The following ZEB1 variants were observed in gnomAD, a reference collection of about 807,000 sequenced individuals.
ZEB1 encodes zinc finger E-box binding homeobox 1.
ZEB1 carries 21 observed loss-of-function variants against 84.9 expected under a neutral mutation model. The ratio of observed to expected loss-of-function variants is 0.25; its 90% CI spans 0.18 to 0.36. ZEB1 has a LOEUF of 0.36. ZEB1 is among the 10% of genes least tolerant of loss of function. The pLI is 1.00. For missense variants in ZEB1, 1,104 were observed against 1,330.2 expected, an observed-to-expected ratio of 0.83 and a Z score of 2.65; for synonymous variants, 420 against 471.1, an observed-to-expected ratio of 0.89 and a Z score of 1.41.
intron 1 of ZEB1, among the ~76,000 whole-genome samples, chr10:31,382,121 G>A (rs1338288254): frequency 1.3e-5 from 2 of 149,952 alleles, no homozygotes; most frequent in East Asian, 3.9e-4. Context: ...ACAAATCCCT[G>A]TGGCTGACTC....
intron 1 of ZEB1, among the ~76,000 whole-genome samples, chr10:31,409,584 T>G (rs2053842469): frequency 6.6e-6 from 1 of 152,060 alleles, no homozygotes; most frequent in Non-Finnish European, 1.5e-5. Flanking sequence ...AACATTCAAT[T>G]TGTAAATTAC....
chr10:31,465,783 T>TA (rs111808330), intron 2 of ZEB1, among the ~76,000 whole-genome samples: 1,673 of 134,628 alleles, frequency 0.012, 26 homozygotes, highest in African/African-American at 0.04. Flanking sequence ...GTGGCTAATT[T>TA]AAAAAAAAAA....
chr10:31,520,911 G>C lies in ZEB1; in HGVS notation c.1579G>C (p.Val527Leu). The C allele has an allele frequency of 3.1e-6, 5 of 1,614,112 alleles. No homozygotes were observed. Among genetic ancestry groups the C allele is most frequent in the Admixed American group, 1.7e-5 (1 of 59,992 alleles). Residue 527 changes from valine to leucine, a missense_variant, in exon 7 of 9, where the codon GTG becomes CTG. Around this residue, in one of 7 missense-constraint regions of ZEB1, gnomAD observed 531 missense variants for 575.2 expected, o/e 0.92. Transcript: ENST00000424869. This position sits in a 1 kb window ranked among gnomAD's most constrained non-coding sequence, Gnocchi z 5.1. ...SEKDKSFEGG[V>L]NDSTCLLCDD... ...GAAGGACAAAAGCTTTGAAGGGGGGGTGAATGATAGCACTTGTCTTCTGTG... is the reference window on the plus strand; with the variant it reads ...GAAGGACAAAAGCTTTGAAGGGGGGCTGAATGATAGCACTTGTCTTCTGTG...
chr10:31,475,808 G>A (rs1486574617), intron 2 of ZEB1, among the ~76,000 whole-genome samples: 1 of 151,928 alleles, frequency 6.6e-6, no homozygotes, highest in East Asian at 1.9e-4. Context: ...GGCAATGAAA[G>A]GATAATACTC....
intron 1 of ZEB1, among the ~76,000 whole-genome samples, chr10:31,337,511 A>G (rs1397825150): frequency 6.6e-6 from 1 of 152,094 alleles, no homozygotes; most frequent in Non-Finnish European, 1.5e-5. Flanking sequence ...AGTAACTGAA[A>G]AAATAAAAGT....
chr10:31,473,867 G>C (rs1321535085), intron 2 of ZEB1, among the ~76,000 whole-genome samples: 3 of 150,698 alleles, frequency 2.0e-5, no homozygotes, highest in African/African-American at 7.4e-5. Context: ...CAGAGATATA[G>C]ATCAATGGAA....
intron 1 of ZEB1, among the ~76,000 whole-genome samples, chr10:31,398,991 CTTT>C (rs34530318): frequency 1.1e-4 from 14 of 133,100 alleles, no homozygotes; most frequent in Non-Finnish European, 1.1e-4. Flanking sequence ...GTCCTTTAGT[CTTT>C]TTTTTTTTTT....
At chr10:31,378,850 A>G (rs2047145252) in intron 1 of ZEB1, among the ~76,000 whole-genome samples, 1 of 152,040 alleles carries the variant, frequency 6.6e-6, no homozygotes, top group Non-Finnish European at 1.5e-5. Context: ...ACAGTGGTGG[A>G]TGTGCAGGTG....
chr10:31,512,640 T>C (rs1267062198), intron 5 of ZEB1, among the ~76,000 whole-genome samples: 1 of 152,070 alleles, frequency 6.6e-6, no homozygotes, highest in Non-Finnish European at 1.5e-5. Flanking sequence ...CTCTTCTGGG[T>C]GTTAAAGGCA....
At chr10:31,329,015 G>A (rs1004498257) in intron 1 of ZEB1, among the ~76,000 whole-genome samples, 3 of 151,980 alleles carry the variant, frequency 2.0e-5, no homozygotes, top group Non-Finnish European at 4.4e-5. Flanking sequence ...GTGTGTGTGC[G>A]TGTGAACTTA....
intron 1 of ZEB1, among the ~76,000 whole-genome samples, chr10:31,392,279 T>C (rs2049883826): frequency 6.6e-6 from 1 of 152,162 alleles, no homozygotes; most frequent in African/African-American, 2.4e-5. Context: ...TTTTCTCTCT[T>C]CAAATTCTGT....
chr10:31,480,868 A>C (rs139273419), intron 2 of ZEB1, among the ~76,000 whole-genome samples: 1 of 152,080 alleles, frequency 6.6e-6, no homozygotes, highest in Non-Finnish European at 1.5e-5. Context: ...TACCTCATTC[A>C]TAATAGTTTT....
At chr10:31,479,758 A>T (rs1159822226) in intron 2 of ZEB1, among the ~76,000 whole-genome samples, 2 of 151,966 alleles carry the variant, frequency 1.3e-5, no homozygotes, top group African/African-American at 4.8e-5. Context: ...ATGAAACTCC[A>T]AATTAGGATT....
intron 5 of ZEB1, among the ~76,000 whole-genome samples, chr10:31,513,860 TG>T (rs2070564171): frequency 6.6e-6 from 1 of 152,164 alleles, no homozygotes; most frequent in South Asian, 2.1e-4. Flanking sequence ...ACTATAATCT[TG>T]GAATCTGTAG....
intron 1 of ZEB1, among the ~76,000 whole-genome samples, chr10:31,397,810 G>GGGAAATTAAAACACGTTAAATACTTT (rs2051082267): frequency 6.6e-6 from 1 of 152,008 alleles, no homozygotes; most frequent in Non-Finnish European, 1.5e-5. Context: ...TTACTAACTG[G>GGGAAATTAAAACACGTTAAATACTTT]CCCTTTTTTT....
chr10:31,369,759 T>A (rs2045358472), intron 1 of ZEB1, among the ~76,000 whole-genome samples: 1 of 152,192 alleles, frequency 6.6e-6, no homozygotes, highest in Non-Finnish European at 1.5e-5. Context: ...TATTTTTAGT[T>A]TTTTTGGGGG....
At chr10:31,444,339 A>G (rs912875345) in intron 1 of ZEB1, among the ~76,000 whole-genome samples, 6 of 147,234 alleles carry the variant, frequency 4.1e-5, no homozygotes, top group African/African-American at 1.5e-4. Flanking sequence ...GTAGGTTGCA[A>G]AAATTTTCTC....
intron 4 of ZEB1, among the ~76,000 whole-genome samples, chr10:31,507,174 C>A (rs1215436741): frequency 6.6e-6 from 1 of 152,024 alleles, no homozygotes; most frequent in South Asian, 2.1e-4. Context: ...TCTCTCCTTG[C>A]CTATAAAGTT....
At chr10:31,349,958 A>G (rs1374989836) in intron 1 of ZEB1, among the ~76,000 whole-genome samples, 1 of 152,074 alleles carries the variant, frequency 6.6e-6, no homozygotes. Context: ...TTTGTTGCCT[A>G]TACTTTTAGG....
Sources: gnomAD v4.1 joint callset for allele counts (sites outside exome capture counted in the v4.1 genomes callset) on GRCh38, gnomAD v4.1.1 for gene constraint, gnomAD v4.1.1 regional missense constraint, Gnocchi (gnomAD v3.1) non-coding constraint, MANE v1.5 for transcripts, NCBI Gene and HGNC (gene_info 2026-07-23, HGNC 2026-07-21) for gene names.